Variants in CCDC141 observed in about 807,000 individuals in gnomAD.
The protein encoded by CCDC141 is coiled-coil domain containing 141.
CCDC141 carries 168 observed loss-of-function variants against 181.0 expected under a neutral mutation model. The observed-to-expected ratio is 0.93, with a 90% CI of 0.82 to 1.05. The LOEUF is 1.05. Among genes scored for constraint, CCDC141 ranks in the 50% least tolerant of loss-of-function variants. The probability of loss-of-function intolerance (pLI) is 0.00; values close to 1 mark genes in which losing one functional copy is unlikely to be tolerated. For missense variants in CCDC141, 1,902 were observed against 1,788.5 expected (o/e 1.06, Z -1.14); for synonymous variants, 666 against 642.3 (o/e 1.04, Z -0.56).
intron 7 of CCDC141, among the ~76,000 whole-genome samples, chr2:178,905,920 G>A (rs1375020745): frequency 2.0e-5 from 3 of 152,266 alleles, no homozygotes; most frequent in East Asian, 3.9e-4. Flanking sequence ...ATTCTTTAGA[G>A]GAAATTTCCC....
chr2:179,009,041 C>G (rs1328215036), intron 2 of CCDC141, among the ~76,000 whole-genome samples: 1 of 152,160 alleles, frequency 6.6e-6, no homozygotes, highest in Non-Finnish European at 1.5e-5. Context: ...ATGGGCCAAC[C>G]ATACAAAACT....
At chr2:178,873,512 GTATTA>G (rs1686213496) in intron 12 of CCDC141, 1 of 152,084 alleles carries the variant, frequency 6.6e-6, no homozygotes, top group Admixed American at 6.5e-5. Flanking sequence ...AGAATGTAAT[GTATTA>G]TATAATTTAA....
chr2:178,944,646 A>G lies in CCDC141; in HGVS notation c.786T>C (p.Thr262=), dbSNP rs761573292. Residue 262 remains threonine, a synonymous_variant, in exon 6 of 24, where the codon ACT becomes ACC. Transcript: ENST00000443758. ...TTCTTATAGTTTTCTGAAACCAACA[A>G]GTAACCTAGGTAAAAGGCAACAAAG... ...CQWDQQENQV[T]CWFQKTIRNL... is the part of the protein sequence containing the mutation. 6.8e-7 allele frequency: 1 copy of G among 1,459,968 alleles called. No individual in the cohort carries two copies. Among genetic ancestry groups the G allele is most frequent in the South Asian group, 1.3e-5 (1 of 77,626 alleles). 90.4% of individuals were successfully genotyped at this position (1,459,968 alleles called of 1,614,324 possible).
At chr2:178,836,804 C>A (rs1684493006) in intron 23 of CCDC141, 90 bp downstream of exon 23, 1 of 1,409,890 alleles carries the variant, frequency 7.1e-7, no homozygotes. Flanking sequence ...AATCAGCTAG[C>A]CCTAAACCTT....
chr2:179,030,322 C>T (rs968671578), intron 2 of CCDC141, among the ~76,000 whole-genome samples: 5 of 151,924 alleles, frequency 3.3e-5, no homozygotes, highest in African/African-American at 9.7e-5. Context: ...TTTAATGACC[C>T]GTTAACCAAC....
At chr2:178,881,913 TCTCACACACA>T (rs1288410707) in intron 11 of CCDC141, among the ~76,000 whole-genome samples, 117 of 111,004 alleles carry the variant, frequency 1.1e-3, no homozygotes, top group South Asian at 9.9e-3. Flanking sequence ...TCTCTCTCTC[TCTCACACACA>T]CACACACACA....
intron 2 of CCDC141, among the ~76,000 whole-genome samples, chr2:179,018,535 A>AT (rs1049946223): frequency 2.0e-5 from 3 of 152,140 alleles, no homozygotes; most frequent in African/African-American, 7.2e-5. Flanking sequence ...TTTCTGAAGG[A>AT]TTTTAGCTAG....
intron 2 of CCDC141, among the ~76,000 whole-genome samples, chr2:179,029,958 G>A (rs1241900327): frequency 6.6e-6 from 1 of 152,048 alleles, no homozygotes; most frequent in Non-Finnish European, 1.5e-5. Context: ...TAGTCCTGGA[G>A]AACAGGCTTT....
At chr2:179,003,874 T>C (rs1271051756) in intron 2 of CCDC141, among the ~76,000 whole-genome samples, 1 of 152,202 alleles carries the variant, frequency 6.6e-6, no homozygotes, top group East Asian at 1.9e-4. Context: ...TGCTTTTTTT[T>C]CAGAATAAAA....
chr2:178,895,537 G>C (rs1438629027), intron 8 of CCDC141, among the ~76,000 whole-genome samples: 2 of 152,132 alleles, frequency 1.3e-5, no homozygotes, highest in African/African-American at 4.8e-5. Context: ...GGATTTAATG[G>C]GAAGTGTGAG....
chr2:179,027,191 G>T lies in CCDC141; in HGVS notation c.225+20093C>A, dbSNP rs541005793. ...GGGCCAGGGTGAAATGACATGATTT[G>T]CTGTGTCCCCACCCAAATCTTATCT... is the stretch of plus-strand genomic sequence containing the variant. On this transcript the variant is annotated intron_variant, in intron 2 of 23. Transcript: ENST00000443758. 3.3e-5 allele frequency among the ~76,000 whole-genome samples: 5 copies of T among 152,258 alleles called. No individual in the cohort carries two copies. The East Asian group carries it at 9.7e-4, about 29-fold the overall frequency.
rs374996772 is a variant in CCDC141 at position 179,044,549 on chromosome 2, G to C, written c.225+2735C>G. On this transcript the variant is annotated intron_variant, in intron 2 of 23. Transcript: ENST00000443758. ...AGTCCTGGATGGAGTAGGGATGAAGGGAGAAGTGAGGTAGCACAAGAGTTC... is the reference window on the plus strand; with the variant it reads ...AGTCCTGGATGGAGTAGGGATGAAGCGAGAAGTGAGGTAGCACAAGAGTTC... 2.6e-5 allele frequency among the ~76,000 whole-genome samples: 4 copies of C among 152,174 alleles called. No homozygotes were observed. The East Asian group carries it at 7.7e-4, about 29-fold the overall frequency.
intron 5 of CCDC141, among the ~76,000 whole-genome samples, chr2:178,959,541 C>T (rs1358175809): frequency 6.6e-6 from 1 of 152,090 alleles, no homozygotes; most frequent in Non-Finnish European, 1.5e-5. Context: ...GATTAATTTC[C>T]TTCTTGTTAT....
chr2:179,015,257 TATATATC>T (rs1408312921), intron 2 of CCDC141, among the ~76,000 whole-genome samples: 3 of 91,172 alleles, frequency 3.3e-5, no homozygotes, highest in African/African-American at 1.2e-4. Flanking sequence ...ATATATCTCA[TATATATC>T]ATATATATCT....
intron 8 of CCDC141, among the ~76,000 whole-genome samples, chr2:178,900,246 T>A (rs554752794): frequency 1.3e-5 from 2 of 152,244 alleles, no homozygotes; most frequent in South Asian, 4.1e-4. Flanking sequence ...TCTTCTTCTG[T>A]TGAAACCAGT....
At chr2:178,836,714 G>T (rs1684489004) in intron 23 of CCDC141, 180 bp downstream of exon 23, 1 of 621,142 alleles carries the variant, frequency 1.6e-6, no homozygotes, top group Non-Finnish European at 2.7e-6. Flanking sequence ...TTTCTTAAAG[G>T]TATTAACTAT....
At chr2:178,921,870 C>T (rs1688705442) in intron 6 of CCDC141, among the ~76,000 whole-genome samples, 1 of 152,168 alleles carries the variant, frequency 6.6e-6, no homozygotes, top group South Asian at 2.1e-4. Context: ...ATCCTTTCTT[C>T]TTCTGTCTGT....
At chr2:178,963,413 G>GC (rs534697784) in intron 4 of CCDC141, among the ~76,000 whole-genome samples, 1 of 150,148 alleles carries the variant, frequency 6.7e-6, no homozygotes, top group Non-Finnish European at 1.5e-5. Flanking sequence ...CAAATATACT[G>GC]TTTTTTTTTG....
chr2:178,999,589 T>C (rs760935653), intron 2 of CCDC141, among the ~76,000 whole-genome samples: 11 of 152,162 alleles, frequency 7.2e-5, no homozygotes, highest in East Asian at 1.9e-4. Flanking sequence ...ATTCCAAGCA[T>C]ACCAAATAAG....
Sources: allele counts gnomAD v4.1 joint callset (sites outside exome capture counted in the v4.1 genomes callset), GRCh38; gene constraint gnomAD v4.1.1; transcripts MANE v1.5; gene names NCBI Gene and HGNC (gene_info 2026-07-23, HGNC 2026-07-21).